The following NFATC3 variants were observed in gnomAD, a reference collection of about 807,000 sequenced individuals.
NFATC3 encodes the protein nuclear factor of activated T-cells, cytoplasmic 3.
In NFATC3, 46 loss-of-function variants were observed where a neutral mutation model predicts 98.6. The observed-to-expected ratio is 0.47, with a 90% CI of 0.37 to 0.60. The LOEUF is 0.60. Among genes scored for constraint, NFATC3 ranks in the 20% least tolerant of loss-of-function variants. NFATC3 has a pLI of 0.00. For missense variants in NFATC3, 1,256 were observed against 1,295.5 expected (o/e 0.97, Z 0.47); for synonymous variants, 512 against 472.2 (o/e 1.08, Z -1.09).
At chr16:68,140,755 G>A (rs977802787) in intron 3 of NFATC3, among the ~76,000 whole-genome samples, 1 of 152,064 alleles carries the variant, frequency 6.6e-6, no homozygotes, top group African/African-American at 2.4e-5. Flanking sequence ...TGGTTTAGAA[G>A]CCCATAAGAC....
intron 3 of NFATC3, among the ~76,000 whole-genome samples, chr16:68,136,110 T>G (rs914207430): frequency 3.9e-5 from 6 of 152,146 alleles, no homozygotes; most frequent in African/African-American, 1.4e-4. Flanking sequence ...AAGAATTTGC[T>G]TTACTGTGAA....
At chr16:68,202,137 T>A (rs1291803503) in intron 9 of NFATC3, among the ~76,000 whole-genome samples, 1 of 152,050 alleles carries the variant, frequency 6.6e-6, no homozygotes, top group Non-Finnish European at 1.5e-5. Context: ...GAGCCACAGC[T>A]GCAGCTCTTC....
chr16:68,223,017 A>G (rs1598635363), intron 9 of NFATC3, among the ~76,000 whole-genome samples: 1 of 152,178 alleles, frequency 6.6e-6, no homozygotes, highest in African/African-American at 2.4e-5. Flanking sequence ...TTCCCTCTCT[A>G]TGTACTGTAT....
intron 1 of NFATC3, among the ~76,000 whole-genome samples, chr16:68,092,904 C>T (rs1449453695): frequency 1.3e-5 from 2 of 152,094 alleles, no homozygotes; most frequent in East Asian, 3.8e-4. Context: ...TTTTGTTTCC[C>T]CCCTTCTCTC....
rs1285846024 is a variant in NFATC3, at chr16:68,191,780, G to A, written c.3106+5G>A. Reference sequence around the variant, plus strand: ...AGGACATCACTTTAGATGATGGTAAGTTCATCTCTGATATGTTCTTGAAGT... The same window carrying A: ...AGGACATCACTTTAGATGATGGTAAATTCATCTCTGATATGTTCTTGAAGT... On this transcript the variant is annotated splice_donor_5th_base_variant and intron_variant, in intron 9 of 9. Transcript: ENST00000346183. 9 of 1,613,838 alleles carry A rather than the reference G, an allele frequency of 5.6e-6. No individual in the cohort carries two copies. The highest frequency in any genetic ancestry group is 7.6e-6 in the Non-Finnish European group (9 of 1,179,768).
intron 4 of NFATC3, among the ~76,000 whole-genome samples, chr16:68,161,361 C>A (rs1015834781): frequency 2.6e-5 from 4 of 152,142 alleles, no homozygotes; most frequent in Non-Finnish European, 4.4e-5. Context: ...ATATTCGAAT[C>A]AAGTTAAATA....
intron 1 of NFATC3, among the ~76,000 whole-genome samples, chr16:68,112,828 A>G (rs866776257): frequency 1.5e-4 from 23 of 150,702 alleles, no homozygotes; most frequent in South Asian, 6.3e-4. Context: ...GTCTTATTTT[A>G]GCAAGATAGT....
intron 9 of NFATC3, among the ~76,000 whole-genome samples, chr16:68,206,927 G>A (rs2041168125): frequency 1.3e-5 from 2 of 150,768 alleles, no homozygotes; most frequent in South Asian, 4.2e-4. Context: ...AGGTTGCAGT[G>A]AGCTGAGATT....
At chr16:68,147,370 T>C (rs1241462887) in intron 3 of NFATC3, among the ~76,000 whole-genome samples, 1 of 152,230 alleles carries the variant, frequency 6.6e-6, no homozygotes, top group Non-Finnish European at 1.5e-5. Context: ...TCTTTTTCTA[T>C]ATAAGAGCAA....
chr16:68,091,592 A>G (rs1319612012), intron 1 of NFATC3, among the ~76,000 whole-genome samples: 3 of 152,230 alleles, frequency 2.0e-5, no homozygotes, highest in African/African-American at 7.2e-5. Context: ...CTAGTTGAGT[A>G]GTAGATAATT....
In NFATC3 at chr16:68,085,808, C is replaced by A. The variant is rs1451404908; in HGVS notation, c.103+24C>A. The A allele has an allele frequency of 5.0e-6, 7 of 1,405,860 alleles. 1 individual carries two copies. The highest frequency in any genetic ancestry group is 3.0e-5 in the South Asian group (2 of 65,746). The allele number at this position is 1,405,860 out of a possible 1,614,324, so 87.1% of individuals were successfully genotyped here. ...AGGTGGGTGCCGGGCCAGGCGGGAC[C>A]GTGGAGCGACCCCGCTTCTCGCTCG... On this transcript the variant is annotated intron_variant, in intron 1 of 9. Transcript: ENST00000346183.
intron 8 of NFATC3, among the ~76,000 whole-genome samples, chr16:68,187,938 T>G (rs2151106941): frequency 6.6e-6 from 1 of 152,192 alleles, no homozygotes; most frequent in South Asian, 2.1e-4. Flanking sequence ...CTGCCTCCTG[T>G]TGCTGTTCAT....
intron 9 of NFATC3, among the ~76,000 whole-genome samples, chr16:68,203,915 CA>C (rs2041032556): frequency 6.6e-6 from 1 of 151,948 alleles, no homozygotes; most frequent in African/African-American, 2.4e-5. Flanking sequence ...GGGCCAGGCA[CA>C]GTGGCTCATG....
intron 4 of NFATC3, 86 bp downstream of exon 4, chr16:68,158,154 TA>T (rs1274349197): frequency 2.5e-6 from 2 of 813,698 alleles, no homozygotes; most frequent in Non-Finnish European, 3.7e-6. Context: ...AATATAAATA[TA>T]AAATATTGTT....
At chr16:68,139,411 A>G (rs2037625736) in intron 3 of NFATC3, among the ~76,000 whole-genome samples, 1 of 152,240 alleles carries the variant, frequency 6.6e-6, no homozygotes, top group African/African-American at 2.4e-5. Flanking sequence ...GATGAAGAGT[A>G]TGTAGCAGAA....
chr16:68,184,027 AAAT>A (rs1274675311), intron 8 of NFATC3, among the ~76,000 whole-genome samples: 2 of 149,390 alleles, frequency 1.3e-5, no homozygotes, highest in East Asian at 3.9e-4. Flanking sequence ...AAAAAAAAAG[AAAT>A]GAGCTTTAAC....
At chr16:68,198,915 G>T (rs149896112) in intron 9 of NFATC3, among the ~76,000 whole-genome samples, 40 of 152,104 alleles carry the variant, frequency 2.6e-4, no homozygotes, top group Non-Finnish European at 5.0e-4. Flanking sequence ...AGACATGGTG[G>T]TGCGTGCCTG....
chr16:68,208,763 T>C (rs2041253535), intron 9 of NFATC3, among the ~76,000 whole-genome samples: 2 of 152,162 alleles, frequency 1.3e-5, no homozygotes, highest in Non-Finnish European at 2.9e-5. Flanking sequence ...ATTGTTTTCT[T>C]AATTTTTTTT....
chr16:68,141,409 A>G (rs1181256980), intron 3 of NFATC3, among the ~76,000 whole-genome samples: 1 of 152,164 alleles, frequency 6.6e-6, no homozygotes, highest in East Asian at 1.9e-4. Context: ...GTTTTAATTT[A>G]TAATTTACAT....
Sources: gnomAD v4.1 joint callset for allele counts (sites outside exome capture counted in the v4.1 genomes callset) on GRCh38, gnomAD v4.1.1 for gene constraint, MANE v1.5 for transcripts, NCBI Gene and HGNC (gene_info 2026-07-23, HGNC 2026-07-21) for gene names.